The following DLGAP1 variants were observed in gnomAD, a reference collection of about 807,000 sequenced individuals.
DLGAP1 encodes DLG associated protein 1.
In DLGAP1, 11 loss-of-function variants were observed where a neutral mutation model predicts 90.8. The observed-to-expected ratio is 0.12, with a 90% CI of 0.08 to 0.20. DLGAP1 has a LOEUF of 0.20. Among genes scored for constraint, DLGAP1 ranks in the 10% least tolerant of loss-of-function variants. The pLI is 1.00. For synonymous variants in DLGAP1, 558 were observed against 540.7 expected, an observed-to-expected ratio of 1.03 and a Z score of -0.44; for missense variants, 1,050 against 1,333.8, an observed-to-expected ratio of 0.79 and a Z score of 3.31.
chr18:4,305,734 T>C (rs1326518770), intron 1 of DLGAP1, among the ~76,000 whole-genome samples: 3 of 152,024 alleles, frequency 2.0e-5, no homozygotes, highest in African/African-American at 4.8e-5. Flanking sequence ...ATCAGAAAAT[T>C]AGTAATTTGA....
chr18:3,498,000 C>G lies in DLGAP1; in HGVS notation c.*1185G>C, dbSNP rs1474876682. Reference sequence around the variant, plus strand: ...TTAGCCATTTGACACAGGACAGAATCCTATGCTAGGTATTACTGGACTCTG... The same window carrying G: ...TTAGCCATTTGACACAGGACAGAATGCTATGCTAGGTATTACTGGACTCTG... On this transcript the variant is annotated 3_prime_UTR_variant, in exon 13 of 13. Transcript: ENST00000315677. 1.3e-5 allele frequency: 2 copies of G among 152,162 alleles called. No homozygotes were observed. The highest frequency in any genetic ancestry group is 2.9e-5 in the Non-Finnish European group (2 of 68,036). 9.4% of individuals were successfully genotyped at this position (152,162 alleles called of 1,614,324 possible). A position where few individuals can be genotyped will look rare whatever the true frequency, so the allele number is the denominator to read the frequency against.
At chr18:3,881,897 A>G (rs920644426) in intron 3 of DLGAP1, among the ~76,000 whole-genome samples, 9 of 152,076 alleles carry the variant, frequency 5.9e-5, no homozygotes, top group Middle Eastern at 3.4e-3. Flanking sequence ...TGGGCAACAG[A>G]GCAAGACTCC....
rs901788375 is a variant in DLGAP1 at position 4,454,703 on chromosome 18, C to A, written c.-267+303G>T. Among the ~76,000 whole-genome samples the A allele has an allele frequency of 6.6e-6, 1 of 151,958 alleles. No homozygotes were observed. Among genetic ancestry groups the A allele is most frequent in the Non-Finnish European group, 1.5e-5 (1 of 67,990 alleles). On this transcript the variant is annotated intron_variant, in intron 1 of 12. Coordinates refer to ENST00000315677, the MANE Select transcript of DLGAP1 (RefSeq NM_004746.4). This position sits in a 1 kb window ranked among gnomAD's most constrained non-coding sequence, Gnocchi z 4.7. ...TCCCCTCCCCCTTCCGGGACCCTGT[C>A]GCAATTAGAAATCCTTCCCCTGCCT... is the stretch of plus-strand genomic sequence containing the variant.
chr18:4,265,716 G>A (rs867708797), intron 1 of DLGAP1, among the ~76,000 whole-genome samples: 9 of 134,230 alleles, frequency 6.7e-5, no homozygotes, highest in African/African-American at 2.5e-4. Flanking sequence ...TCTCTTCAGT[G>A]TCTCACTGTT....
intron 2 of DLGAP1, among the ~76,000 whole-genome samples, chr18:4,057,854 C>T (rs1011345505): frequency 1.3e-5 from 2 of 152,192 alleles, no homozygotes; most frequent in Non-Finnish European, 2.9e-5. Flanking sequence ...TGGATGTGTT[C>T]AACCCCTGTA....
intron 7 of DLGAP1, among the ~76,000 whole-genome samples, chr18:3,725,494 T>C (rs2147400291): frequency 6.6e-6 from 1 of 152,290 alleles, no homozygotes; most frequent in African/African-American, 2.4e-5. Flanking sequence ...AGGCAAGGGT[T>C]CTTGTTTTTT....
At chr18:3,886,291 G>A (rs1351938465) in intron 3 of DLGAP1, among the ~76,000 whole-genome samples, 1 of 152,088 alleles carries the variant, frequency 6.6e-6, no homozygotes. Flanking sequence ...TTGAATTTTT[G>A]TGGGTACCTA....
chr18:4,106,810 G>A (rs1193339666), intron 2 of DLGAP1, among the ~76,000 whole-genome samples: 3 of 152,202 alleles, frequency 2.0e-5, no homozygotes, highest in Non-Finnish European at 4.4e-5. Context: ...GATGTGTCCA[G>A]TGTCAAGACA....
chr18:4,348,253 A>G (rs1378843952), intron 1 of DLGAP1, among the ~76,000 whole-genome samples: 1 of 152,078 alleles, frequency 6.6e-6, no homozygotes, highest in African/African-American at 2.4e-5. Context: ...TGATGCTGAG[A>G]GTGAAGTTTC....
chr18:3,803,956 T>TTA (rs1433230590), intron 5 of DLGAP1, among the ~76,000 whole-genome samples: 1 of 84,630 alleles, frequency 1.2e-5, no homozygotes, highest in Non-Finnish European at 2.5e-5. Flanking sequence ...TTATGTAGGT[T>TTA]CATATATATA....
intron 6 of DLGAP1, among the ~76,000 whole-genome samples, chr18:3,736,314 C>T (rs1009588080): frequency 6.6e-6 from 1 of 152,080 alleles, no homozygotes; most frequent in Non-Finnish European, 1.5e-5. Context: ...TTAGATGTAC[C>T]TATGGTAAAA....
At chr18:3,794,441 T>G (rs565543728) in intron 5 of DLGAP1, among the ~76,000 whole-genome samples, 108 of 152,304 alleles carry the variant, frequency 7.1e-4, no homozygotes, top group African/African-American at 2.6e-3. Flanking sequence ...AAAGTCTTGC[T>G]CTTACTACCT....
chr18:3,988,410 T>C (rs1393271930), intron 3 of DLGAP1, among the ~76,000 whole-genome samples: 1 of 152,164 alleles, frequency 6.6e-6, no homozygotes, highest in Admixed American at 6.5e-5. Context: ...TATTATGGTC[T>C]CTGCACAGTT....
At chr18:3,549,553 G>C (rs923476470) in intron 9 of DLGAP1, among the ~76,000 whole-genome samples, 1 of 152,208 alleles carries the variant, frequency 6.6e-6, no homozygotes, top group Admixed American at 6.5e-5. Context: ...GGCTGATCTC[G>C]AAATCCTGAC....
chr18:3,762,028 C>T (rs115015963), intron 5 of DLGAP1, among the ~76,000 whole-genome samples: 3,058 of 152,304 alleles, frequency 0.02, 57 homozygotes, highest in Middle Eastern at 0.088. Context: ...TTCCCCCACC[C>T]TGAGGAGGCA....
intron 1 of DLGAP1, among the ~76,000 whole-genome samples, chr18:4,251,002 A>G (rs560448640): frequency 8.5e-5 from 13 of 152,316 alleles, no homozygotes; most frequent in African/African-American, 2.9e-4. Flanking sequence ...CAAAAACACA[A>G]GAAGAATTTA....
At chr18:3,674,293 TAAAA>T (rs2060208009) in intron 7 of DLGAP1, among the ~76,000 whole-genome samples, 3 of 76,542 alleles carry the variant, frequency 3.9e-5, no homozygotes, top group African/African-American at 1.1e-4. Context: ...TCTATAATAT[TAAAA>T]TATATATATA....
chr18:3,551,719 C>A (rs1160122630), intron 9 of DLGAP1, among the ~76,000 whole-genome samples: 1 of 40,250 alleles, frequency 2.5e-5, no homozygotes, highest in African/African-American at 1.3e-4. Flanking sequence ...TCCCTCCCTC[C>A]CTCCCTTCCT....
chr18:3,849,450 T>A (rs1023273678), intron 4 of DLGAP1, among the ~76,000 whole-genome samples: 1 of 152,020 alleles, frequency 6.6e-6, no homozygotes, highest in African/African-American at 2.4e-5. Context: ...CACTTTGAGA[T>A]CAAGGACACT....
Sources: allele counts gnomAD v4.1 joint callset (sites outside exome capture counted in the v4.1 genomes callset), GRCh38; gene constraint gnomAD v4.1.1; non-coding constraint Gnocchi (gnomAD v3.1); transcripts MANE v1.5; gene names NCBI Gene and HGNC (gene_info 2026-07-23, HGNC 2026-07-21).